Variants in DHX34 observed in about 807,000 individuals in gnomAD.
DHX34 encodes probable ATP-dependent RNA helicase DHX34.
DHX34 carries 96 observed loss-of-function variants against 111.1 expected under a neutral mutation model. The observed-to-expected ratio is 0.86, with a 90% CI of 0.73 to 1.02. DHX34 has a LOEUF of 1.02. DHX34 is among the 50% of genes least tolerant of loss of function. The pLI is 0.00. For missense variants in DHX34, 1,560 were observed against 1,579.9 expected, an observed-to-expected ratio of 0.99 and a Z score of 0.21; for synonymous variants, 688 against 670.4, an observed-to-expected ratio of 1.03 and a Z score of -0.41.
chr19:47,380,351 CCT>C (rs1249518175), intron 14 of DHX34, among the ~76,000 whole-genome samples: 3 of 152,188 alleles, frequency 2.0e-5, no homozygotes, highest in South Asian at 4.2e-4. Context: ...GAAACCAGCC[CCT>C]GACTCTTAGG....
chr19:47,377,728 A>T (rs760290709), intron 13 of DHX34, among the ~76,000 whole-genome samples: 7 of 147,914 alleles, frequency 4.7e-5, no homozygotes, highest in Non-Finnish European at 1.0e-4. Flanking sequence ...ATGAGGCCAG[A>T]GAGGCGAGGG....
intron 5 of DHX34, 84 bp from the exon 6 acceptor site, chr19:47,362,392 T>C (rs1376000300): frequency 8.5e-6 from 12 of 1,407,608 alleles, no homozygotes; most frequent in Non-Finnish European, 1.0e-5. Flanking sequence ...AGTGAGGGTG[T>C]TGGCGAGTGA....
At chr19:47,377,935 G>C (rs1970223007) in intron 13 of DHX34, among the ~76,000 whole-genome samples, 1 of 152,140 alleles carries the variant, frequency 6.6e-6, no homozygotes, top group Admixed American at 6.5e-5. Flanking sequence ...TGCTCCTCGA[G>C]CGTCTTTGTG....
intron 2 of DHX34, 125 bp from the exon 3 acceptor site, chr19:47,354,914 A>G (rs1017019614): frequency 4.7e-6 from 7 of 1,499,406 alleles, no homozygotes; most frequent in African/African-American, 4.2e-5. Flanking sequence ...TCTGCCTCCC[A>G]AAGTGCTGGG....
intron 7 of DHX34, among the ~76,000 whole-genome samples, chr19:47,371,253 G>GCAGGT (rs1568402505): frequency 6.6e-6 from 1 of 152,040 alleles, no homozygotes; most frequent in Non-Finnish European, 1.5e-5. Flanking sequence ...GAGGGCTGGG[G>GCAGGT]GCAGGTGCCC....
intron 12 of DHX34, 185 bp from the exon 13 acceptor site, chr19:47,376,915 G>A (rs1201290517): frequency 5.2e-6 from 8 of 1,535,654 alleles, no homozygotes; most frequent in Non-Finnish European, 7.0e-6. Context: ...CTCGCTGCAG[G>A]CATGGCTGCG....
intron 7 of DHX34, among the ~76,000 whole-genome samples, chr19:47,370,162 A>G (rs75783590): frequency 0.02 from 3,089 of 152,266 alleles, 45 homozygotes; most frequent in Middle Eastern, 0.041. Context: ...AATGTGACGC[A>G]AAGTGCCCTG....
In DHX34 at chr19:47,353,554, T is replaced by C. The variant is rs757592076; in HGVS notation, c.524T>C (p.Leu175Pro). 1.9e-6 allele frequency: 3 copies of C among 1,613,314 alleles called. No homozygotes were observed. The highest frequency in any genetic ancestry group is 1.1e-5 in the South Asian group (1 of 91,094). ...AQYGNRILQT[L>P]KEHQVVVVAG... ...TATGGGAACCGCATCCTGCAGACGC[T>C]GAAGGAGCACCAGGTGGTGGTAGTG... Residue 175 changes from leucine (L) to proline (P), a missense_variant, in exon 2 of 17, where the codon CTG becomes CCG. Transcript: ENST00000328771. The surrounding 1 kb of genome is among the most constrained non-coding windows in gnomAD (Gnocchi z 4.6).
At chr19:47,364,242 C>A (rs1020255626) in intron 6 of DHX34, among the ~76,000 whole-genome samples, 2 of 152,068 alleles carry the variant, frequency 1.3e-5, no homozygotes, top group Non-Finnish European at 2.9e-5. Flanking sequence ...CCTGGTCAGT[C>A]CTCAGTCTCG....
At chr19:47,376,319 G>C (rs998982597) in intron 11 of DHX34, 124 bp from the exon 12 acceptor site, 2 of 1,529,258 alleles carry the variant, frequency 1.3e-6, no homozygotes, top group African/African-American at 2.7e-5. Flanking sequence ...ATCTGCCCCA[G>C]ATTTGGAGGA....
intron 13 of DHX34, among the ~76,000 whole-genome samples, chr19:47,377,475 C>T (rs1488903503): frequency 7.1e-6 from 1 of 140,340 alleles, no homozygotes; most frequent in Non-Finnish European, 1.5e-5. Flanking sequence ...AGCCCCTGCC[C>T]TCTCGGGCTC....
At chr19:47,362,346 T>A in intron 5 of DHX34, 130 bp from the exon 6 acceptor site, 1 of 1,231,172 alleles carries the variant, frequency 8.1e-7, no homozygotes, top group Non-Finnish European at 1.0e-6. Flanking sequence ...GGGCCCAGAA[T>A]AAGCCCTCAG....
rs760692334 is a variant in DHX34 at position 47,362,646 on chromosome 19, C to G, written c.1546C>G (p.Pro516Ala). 1.2e-6 allele frequency: 2 copies of G among 1,613,536 alleles called. No homozygotes were observed. Among genetic ancestry groups the G allele is most frequent in the Non-Finnish European group, 1.7e-6 (2 of 1,179,964 alleles). Residue 516 changes from proline (P) to alanine (A), a missense_variant, in exon 6 of 17, where the codon CCC (proline) becomes GCC (alanine). Transcript: ENST00000328771. ...GGACTATGATGCCTTCGCCCCCTAC[C>G]CCGTCCCAGAAATTCGGAGGGTGGC... is the stretch of plus-strand genomic sequence containing the variant. The part of the protein sequence containing the change: ...ESDYDAFAPY[P>A]VPEIRRVALD...
rs755384422 is a variant in DHX34 at position 47,377,132 on chromosome 19, C to T, written c.2632C>T (p.Leu878Phe). 2.5e-6 allele frequency: 4 copies of T among 1,614,054 alleles called. No individual in the cohort carries two copies. Among genetic ancestry groups the T allele is most frequent in the Non-Finnish European group, 3.4e-6 (4 of 1,180,004 alleles). Residue 878 changes from leucine (L) to phenylalanine (F), a missense_variant, in exon 13 of 17, where the codon CTC (leucine) becomes TTC (phenylalanine). Leu to Phe is a conservative substitution (Grantham distance 22, BLOSUM62 0). Coordinates refer to ENST00000328771, the MANE Select transcript of DHX34 (RefSeq NM_014681.6). ...GGACAAGATGAGCAGCAAACACCAG[C>T]TCCTCAGCTTCGTGTCCCTGCTGGA... is the stretch of plus-strand genomic sequence containing the variant. ...DKDKMSSKHQ[L>F]LSFVSLLETN...
chr19:47,355,063 A>T lies in DHX34; in HGVS notation c.730A>T (p.Ser244Cys). 6.2e-7 allele frequency: 1 copy of T among 1,611,246 alleles called. No homozygotes were observed. Among genetic ancestry groups the T allele is most frequent in the South Asian group, 1.1e-5 (1 of 90,874 alleles). The part of the protein sequence containing the change: ...SQVGYQIRFE[S>C]TRSAATKIVF... ...GGTCGGCTACCAGATCCGCTTTGAG[A>T]GCACACGTTCGGCGGCCACCAAGAT... Residue 244 changes from serine to cysteine, a missense_variant, in exon 3 of 17, where the codon AGC becomes TGC. Ser to Cys is a moderately radical substitution (Grantham distance 112). Transcript: ENST00000328771.
rs773853473 is a variant in DHX34, at chr19:47,353,344, G to T, written c.314G>T (p.Arg105Leu). 3 of 1,614,114 alleles carry T rather than the reference G, an allele frequency of 1.9e-6. No homozygotes were observed. The highest frequency in any genetic ancestry group is 2.5e-6 in the Non-Finnish European group (3 of 1,180,014). ...DLPRTYDPRY[R>L]INLSVLGPAT... ...CCTCGCACTTACGACCCACGTTACC[G>T]CATCAACCTCTCTGTTCTTGGCCCT... The change falls in exon 2 of 17, where the codon CGC becomes CTC. Residue 105 changes from arginine to leucine, a missense_variant. Arg to Leu is a moderately radical substitution (Grantham distance 102). Transcript: ENST00000328771. The surrounding 1 kb of genome is among the most constrained non-coding windows in gnomAD (Gnocchi z 4.6).
chr19:47,349,423 G>A (rs1299936301), intron 1 of DHX34, 71 bp downstream of exon 1: 2 of 152,450 alleles, frequency 1.3e-5, no homozygotes, highest in Non-Finnish European at 2.9e-5. Flanking sequence ...GCCGCTTGGG[G>A]GTAGTTTGGG....
At position 47,375,548 on chromosome 19, in the gene DHX34, G is replaced by A. The variant is rs762468354; in HGVS notation, c.2147G>A (p.Arg716Gln). ...GDSYSRLQQR[R>Q]ERRALHQLKR... The stretch of plus-strand genomic sequence containing the variant: ...AGCTACAGTCGGTTGCAGCAGCGCC[G>A]GGAGCGCCGGGCCCTGCACCAGCTG... The change falls in exon 10 of 17, where the codon CGG becomes CAG. Residue 716 changes from arginine (R) to glutamine (Q), a missense_variant. By Grantham distance (43) the Arg-to-Gln change is conservative (BLOSUM62 1). Transcript: ENST00000328771. The A allele has an allele frequency of 5.8e-6, 9 of 1,551,724 alleles. No homozygotes were observed. Among genetic ancestry groups the A allele is most frequent in the South Asian group, 1.2e-5 (1 of 85,264 alleles).
intron 7 of DHX34, among the ~76,000 whole-genome samples, chr19:47,367,895 C>CAAAAA (rs1226350533): frequency 2.2e-5 from 1 of 46,122 alleles, no homozygotes; most frequent in Non-Finnish European, 4.6e-5. Context: ...GACTCCATCT[C>CAAAAA]AAAAAAAAAA....
Sources: gnomAD v4.1 joint callset for allele counts (sites outside exome capture counted in the v4.1 genomes callset) on GRCh38, gnomAD v4.1.1 for gene constraint, Gnocchi (gnomAD v3.1) non-coding constraint, MANE v1.5 for transcripts, NCBI Gene and HGNC (gene_info 2026-07-23, HGNC 2026-07-21) for gene names.